Variants in SCN7A observed in about 807,000 individuals in gnomAD.
SCN7A encodes sodium channel protein type 7 subunit alpha.
Under a neutral mutation model 155.2 loss-of-function variants are expected in SCN7A, and 138 were observed. That is an observed-to-expected ratio of 0.89 (90% CI 0.77 to 1.02). SCN7A has a LOEUF of 1.02. Among genes scored for constraint, SCN7A ranks in the 50% least tolerant of loss-of-function variants. The pLI is 0.00. For synonymous variants in SCN7A, 693 were observed against 649.0 expected (o/e 1.07, Z -1.03); for missense variants, 2,058 against 1,986.6 (o/e 1.04, Z -0.68).
intron 20 of SCN7A, among the ~76,000 whole-genome samples, chr2:166,418,825 C>T (rs1701446909): frequency 6.6e-6 from 1 of 152,120 alleles, no homozygotes; most frequent in Non-Finnish European, 1.5e-5. Flanking sequence ...AGACCTTAAA[C>T]TTATTAAATA....
chr2:166,492,038 G>A lies in SCN7A; in HGVS notation c.-128+1930C>T, dbSNP rs1047783665. ...GAAAATACTGTTATTTTTATTTCTA[G>A]TATGCTTTGGACAGGTATTTATCCT... On this transcript the variant is annotated intron_variant, in intron 1 of 25. Coordinates refer to ENST00000643258, the MANE Select transcript of SCN7A (RefSeq NM_002976.4). Among the ~76,000 whole-genome samples, 3 of 152,060 alleles carry A rather than the reference G, an allele frequency of 2.0e-5. No homozygotes were observed. The East Asian group carries it at 5.8e-4, about 29-fold the overall frequency.
At chr2:166,488,668 C>T (rs1250256228) in intron 1 of SCN7A, among the ~76,000 whole-genome samples, 1 of 150,094 alleles carries the variant, frequency 6.7e-6, no homozygotes, top group African/African-American at 2.5e-5. Context: ...GACGGAGTCT[C>T]ACTCTGTTGC....
At chr2:166,446,077 A>G (rs1702056674) in intron 12 of SCN7A, among the ~76,000 whole-genome samples, 1 of 152,210 alleles carries the variant, frequency 6.6e-6, no homozygotes, top group Non-Finnish European at 1.5e-5. Context: ...AACTATCATC[A>G]GAGTGAACAG....
intron 14 of SCN7A, among the ~76,000 whole-genome samples, chr2:166,443,190 T>C (rs1052543171): frequency 2.0e-5 from 3 of 152,286 alleles, no homozygotes; most frequent in African/African-American, 7.2e-5. Context: ...CTTGGTGACA[T>C]ATTAGAATTC....
Position 166,441,508 on chromosome 2 carries a change from A to C in SCN7A, c.2045T>G (p.Phe682Cys), listed in dbSNP as rs1282351117. The part of the protein sequence containing the change: ...HDFFHSFLNV[F>C]RILCGEWVET... ...TACCCACTCTCCACAGAGAATTCGG[A>C]ACACATTCAGGAAGGAGTGGAAAAA... Residue 682 changes from phenylalanine (F) to cysteine (C), a missense_variant, in exon 15 of 26, where the codon TTC (phenylalanine) becomes TGC (cysteine). Phe to Cys is a radical substitution (Grantham distance 205, BLOSUM62 -2). Coordinates refer to ENST00000643258, the MANE Select transcript of SCN7A (RefSeq NM_002976.4). 1 of 1,614,104 alleles carries C rather than the reference A, an allele frequency of 6.2e-7. No individual in the cohort carries two copies. The highest frequency in any genetic ancestry group is 1.7e-5 in the Admixed American group (1 of 59,988).
chr2:166,444,243 T>A (rs1455699589), intron 13 of SCN7A, among the ~76,000 whole-genome samples: 1 of 152,202 alleles, frequency 6.6e-6, no homozygotes, highest in Non-Finnish European at 1.5e-5. Flanking sequence ...CTCACAGGAA[T>A]ATGTTTTGTC....
intron 15 of SCN7A, among the ~76,000 whole-genome samples, chr2:166,433,278 T>C (rs756583619): frequency 2.0e-5 from 3 of 152,174 alleles, no homozygotes; most frequent in Non-Finnish European, 4.4e-5. Context: ...AATGTATGTC[T>C]ACTTCAAAAC....
rs1355692072 is a variant in SCN7A at position 166,421,227 on chromosome 2, C to T, written c.3098G>A (p.Arg1033Gln). The T allele has an allele frequency of 6.5e-6, 10 of 1,534,428 alleles. No individual in the cohort carries two copies. Among genetic ancestry groups the T allele is most frequent in the South Asian group, 6.3e-5 (5 of 79,884 alleles). ...LKPLISMKFL[R>Q]PLRVLSQFER... Reference sequence around the variant, plus strand: ...AAATTGAGATAGAACTCTGAGGGGCCGAAGGAATTTCATGGAAATAAGAGG... The same window carrying T: ...AAATTGAGATAGAACTCTGAGGGGCTGAAGGAATTTCATGGAAATAAGAGG... The change falls in exon 20 of 26, where the codon CGG becomes CAG. Residue 1033 changes from arginine (R) to glutamine (Q), a missense_variant. By Grantham distance (43) the Arg-to-Gln change is conservative. Transcript: ENST00000643258.
intron 21 of SCN7A, among the ~76,000 whole-genome samples, chr2:166,413,512 C>T (rs1043461421): frequency 6.6e-6 from 1 of 151,934 alleles, no homozygotes; most frequent in African/African-American, 2.4e-5. Context: ...AGTAGCAGTT[C>T]CTCAAAATGC....
chr2:166,476,970 A>C (rs1207303007), intron 3 of SCN7A, among the ~76,000 whole-genome samples: 1 of 152,050 alleles, frequency 6.6e-6, no homozygotes, highest in Admixed American at 6.6e-5. Flanking sequence ...GGGATTGGAC[A>C]TATAGTAGTA....
At position 166,405,526 on chromosome 2, in the gene SCN7A, C is replaced by T; in HGVS notation, c.*54G>A. 2 of 1,307,280 alleles carry T rather than the reference C, an allele frequency of 1.5e-6. No individual in the cohort carries two copies. Among genetic ancestry groups the T allele is most frequent in the Non-Finnish European group, 1.0e-6 (1 of 952,412 alleles). 81.0% of individuals were successfully genotyped at this position (1,307,280 alleles called of 1,614,324 possible). A position where few individuals can be genotyped will look rare whatever the true frequency, so the allele number is the denominator to read the frequency against. ...ACTTTTCTTTTATTCCTGGCTTAGG[C>T]TTTCAACATTTTTCAGATATGTGAA... On this transcript the variant is annotated 3_prime_UTR_variant, in exon 26 of 26. Coordinates refer to ENST00000643258, the MANE Select transcript of SCN7A (RefSeq NM_002976.4).
In SCN7A at chr2:166,412,562, T is replaced by C. The variant is rs1277359245; in HGVS notation, c.3574A>G (p.Ile1192Val). The change falls in exon 23 of 26, where the codon ATT (isoleucine) becomes GTT (valine). Residue 1192 changes from isoleucine (I) to valine (V), a missense_variant. By Grantham distance (29) the Ile-to-Val change is conservative (BLOSUM62 3). Coordinates refer to ENST00000643258, the MANE Select transcript of SCN7A (RefSeq NM_002976.4). Reference sequence around the variant, plus strand: ...TTATGCTTGTTGAAATTATCAATAATAACAGTAATCAGCATACTCAGAGGG... The same window carrying C: ...TTATGCTTGTTGAAATTATCAATAACAACAGTAATCAGCATACTCAGAGGG... Reference protein sequence around the residue: ...FLPLSMLITVIIDNFNKHKIK... With the variant: ...FLPLSMLITVVIDNFNKHKIK... The C allele has an allele frequency of 8.0e-6, 12 of 1,497,704 alleles. No homozygotes were observed. The highest frequency in any genetic ancestry group is 1.4e-5 in the South Asian group (1 of 70,938). 92.8% of individuals were successfully genotyped at this position (1,497,704 alleles called of 1,614,324 possible).
chr2:166,442,108 G>A (rs554839370), intron 14 of SCN7A, among the ~76,000 whole-genome samples: 3 of 151,952 alleles, frequency 2.0e-5, no homozygotes, highest in East Asian at 1.9e-4. Flanking sequence ...TTTCCTATAC[G>A]TTGACATGAA....
intron 3 of SCN7A, among the ~76,000 whole-genome samples, chr2:166,476,061 T>C (rs1476504712): frequency 6.6e-6 from 1 of 151,928 alleles, no homozygotes; most frequent in Non-Finnish European, 1.5e-5. Context: ...GACATAAACA[T>C]AGCAAAAACT....
rs1553518832 is a variant in SCN7A, at chr2:166,456,827, T to TATATAGATAG, written c.1290+42_1290+43insCTATCTATAT. On this transcript the variant is annotated intron_variant, in intron 11 of 25. Coordinates refer to ENST00000643258, the MANE Select transcript of SCN7A (RefSeq NM_002976.4). ...AAATATATATATATATATATATATA[T>TATATAGATAG]ATAGATAGATAGATAGATAGATAGA... 6.3e-6 allele frequency: 4 copies of TATATAGATAG among 639,272 alleles called. No individual in the cohort carries two copies. The African/African-American group carries it at 6.6e-5, about 11-fold the overall frequency. The allele number at this position is 639,272 out of a possible 1,614,324, so 39.6% of individuals were successfully genotyped here.
At chr2:166,470,924 T>A (rs1702641011) in intron 6 of SCN7A, among the ~76,000 whole-genome samples, 1 of 151,792 alleles carries the variant, frequency 6.6e-6, no homozygotes, top group Non-Finnish European at 1.5e-5. Context: ...ATTATGAGAG[T>A]TTACAAAAGT....
At chr2:166,457,746 A>G (rs1014545717) in intron 10 of SCN7A, among the ~76,000 whole-genome samples, 1 of 152,226 alleles carries the variant, frequency 6.6e-6, no homozygotes, top group Non-Finnish European at 1.5e-5. Flanking sequence ...TTATTTCATA[A>G]TAATTTCCTA....
At chr2:166,447,754 G>A in intron 11 of SCN7A, 46 bp from the exon 12 acceptor site, 1 of 1,355,296 alleles carries the variant, frequency 7.4e-7, no homozygotes, top group South Asian at 1.2e-5. Context: ...TGTCTTTGCA[G>A]GTCCAAGACT....
intron 21 of SCN7A, among the ~76,000 whole-genome samples, 178 bp from the exon 22 acceptor site, chr2:166,413,299 C>T (rs969019488): frequency 6.6e-6 from 1 of 151,914 alleles, no homozygotes; most frequent in Non-Finnish European, 1.5e-5. Flanking sequence ...ATTTCAAGTA[C>T]TTAGTTTATT....
Sources: gnomAD v4.1 joint callset for allele counts (sites outside exome capture counted in the v4.1 genomes callset) on GRCh38, gnomAD v4.1.1 for gene constraint, MANE v1.5 for transcripts, NCBI Gene and HGNC (gene_info 2026-07-23, HGNC 2026-07-21) for gene names.